SPATS2L: variants seen among roughly 807,000 people sequenced by gnomAD.
SPATS2L encodes the protein SPATS2-like protein.
A neutral mutation model predicts 59.6 loss-of-function variants in SPATS2L; 30 were observed. The ratio of observed to expected loss-of-function variants is 0.50; its 90% confidence interval spans 0.38 to 0.68. SPATS2L has a LOEUF of 0.68. Ranked by LOEUF, SPATS2L falls within the 30% of genes least tolerant of loss-of-function variation. The probability of loss-of-function intolerance (pLI) is 0.00; values close to 1 mark genes in which losing one functional copy is unlikely to be tolerated. For synonymous variants in SPATS2L, 252 were observed against 263.5 expected (o/e 0.96, Z 0.42); for missense variants, 615 against 700.0 (o/e 0.88, Z 1.37).
chr2:200,338,712 A>G (rs548833786), intron 2 of SPATS2L, among the ~76,000 whole-genome samples: 1 of 152,322 alleles, frequency 6.6e-6, no homozygotes, highest in Admixed American at 6.5e-5. Flanking sequence ...CCTACTTTAT[A>G]GAATTTTGTT....
chr2:200,369,202 A>G (rs2081352759), intron 2 of SPATS2L, among the ~76,000 whole-genome samples: 1 of 152,156 alleles, frequency 6.6e-6, no homozygotes, highest in Non-Finnish European at 1.5e-5. Context: ...TTTGTCACCC[A>G]GGCTGGAGTG....
intron 8 of SPATS2L, among the ~76,000 whole-genome samples, chr2:200,444,715 C>G (rs927158538): frequency 6.6e-6 from 1 of 152,056 alleles, no homozygotes; most frequent in Non-Finnish European, 1.5e-5. Context: ...TCTCAGCTCC[C>G]CGCACCCTGA....
intron 2 of SPATS2L, among the ~76,000 whole-genome samples, chr2:200,377,267 T>G (rs2081632345): frequency 6.6e-6 from 1 of 152,204 alleles, no homozygotes; most frequent in Non-Finnish European, 1.5e-5. Flanking sequence ...TCAATCTTGG[T>G]GAATCGTAAT....
At chr2:200,306,643 G>C, upstream of SPATS2L, 1 of 988,750 alleles carries the variant, frequency 1.0e-6, no homozygotes, top group Non-Finnish European at 1.2e-6. Context: ...CGGCGGGCGG[G>C]GGCAGCCTGC....
At chr2:200,315,809 T>C (rs2079351962) in intron 1 of SPATS2L, among the ~76,000 whole-genome samples, 2 of 139,002 alleles carry the variant, frequency 1.4e-5, no homozygotes, top group South Asian at 4.5e-4. Flanking sequence ...TTAAGAGATA[T>C]GCAGAGCTTC....
intron 1 of SPATS2L, among the ~76,000 whole-genome samples, chr2:200,315,942 G>T (rs894969939): frequency 6.7e-6 from 1 of 149,634 alleles, no homozygotes. Flanking sequence ...GGAGAATGGC[G>T]TGAACCTGGG....
At chr2:200,412,563 G>A (rs540028528) in intron 4 of SPATS2L, 144 bp downstream of exon 4, 38 of 417,892 alleles carry the variant, frequency 9.1e-5, no homozygotes, top group African/African-American at 7.1e-4. Context: ...ACATGATTGC[G>A]CTACTGCACT....
At chr2:200,315,856 C>A (rs956639029) in intron 1 of SPATS2L, among the ~76,000 whole-genome samples, 137 of 90,864 alleles carry the variant, frequency 1.5e-3, no homozygotes, top group East Asian at 8.1e-3. Context: ...ACCAAAAATC[C>A]AAAAAAAAAA....
rs776723156 is a variant in SPATS2L at position 200,440,819 on chromosome 2, A to T, written c.788+35A>T. 4 of 1,602,750 alleles carry T rather than the reference A, an allele frequency of 2.5e-6. No individual in the cohort carries two copies. In the Admixed American group the frequency reaches 6.8e-5, roughly 27 times the overall value. On this transcript the variant is annotated intron_variant, in intron 8 of 12. Transcript: ENST00000409140. ...TCAACGTAGGAACCATAAATTTGTG[A>T]TGCTTGAGCTGTTCCAACAGGTAAA...
intron 8 of SPATS2L, among the ~76,000 whole-genome samples, chr2:200,452,237 T>G (rs959868966): frequency 6.6e-6 from 1 of 152,230 alleles, no homozygotes; most frequent in African/African-American, 2.4e-5. Context: ...AGATAAAAAT[T>G]TCTATTGTTC....
rs2082096673 is a variant in SPATS2L at position 200,389,293 on chromosome 2, A to C, written c.39+10A>C. On this transcript the variant is annotated intron_variant, in intron 3 of 12. Transcript: ENST00000409140. ...GAATGTCAAGGAAAAGGTAAGATCAAGTTATACGTTGGCTCACAGAAACTC... is the reference window on the plus strand; with the variant it reads ...GAATGTCAAGGAAAAGGTAAGATCACGTTATACGTTGGCTCACAGAAACTC... The C allele has an allele frequency of 3.2e-6, 5 of 1,568,886 alleles. No homozygotes were observed. Among genetic ancestry groups the C allele is most frequent in the Non-Finnish European group, 4.3e-6 (5 of 1,153,456 alleles).
chr2:200,312,192 A>G lies in SPATS2L; in HGVS notation c.-73+5270A>G, dbSNP rs182747885. Reference sequence around the variant, plus strand: ...ACCAGTGTGTTCCTGGATAGCATCCAGCTCACTTAGAATGCTCAGAAAGGC... The same window carrying G: ...ACCAGTGTGTTCCTGGATAGCATCCGGCTCACTTAGAATGCTCAGAAAGGC... On this transcript the variant is annotated intron_variant, in intron 1 of 12. Coordinates refer to ENST00000409140, the MANE Select transcript of SPATS2L (RefSeq NM_001100423.2). Among the ~76,000 whole-genome samples, 791 of 152,330 alleles carry G rather than the reference A, an allele frequency of 5.2e-3. 6 individuals are homozygous for G. Among genetic ancestry groups the G allele is most frequent in the Non-Finnish European group, 9.4e-3 (637 of 68,024 alleles).
chr2:200,363,479 A>G (rs1304207255), intron 2 of SPATS2L, among the ~76,000 whole-genome samples: 2 of 152,204 alleles, frequency 1.3e-5, no homozygotes, highest in African/African-American at 2.4e-5. Flanking sequence ...TTATCTCTTT[A>G]AACAGCTAGA....
At chr2:200,344,554 T>G (rs2080447680) in intron 2 of SPATS2L, among the ~76,000 whole-genome samples, 2 of 152,178 alleles carry the variant, frequency 1.3e-5, no homozygotes, top group Non-Finnish European at 1.5e-5. Flanking sequence ...GTCTTTATGG[T>G]AGAATGATTG....
chr2:200,309,975 T>C (rs1294585039), intron 1 of SPATS2L, among the ~76,000 whole-genome samples: 2 of 152,222 alleles, frequency 1.3e-5, no homozygotes, highest in Non-Finnish European at 2.9e-5. Context: ...AAGATATATT[T>C]CTCTCTACAA....
At chr2:200,445,705 T>C (rs1262501162) in intron 8 of SPATS2L, among the ~76,000 whole-genome samples, 2 of 152,194 alleles carry the variant, frequency 1.3e-5, no homozygotes, top group Non-Finnish European at 2.9e-5. Context: ...TTAGTTTGAG[T>C]CCAAGTAAGA....
At chr2:200,403,924 C>T (rs558116127) in intron 3 of SPATS2L, among the ~76,000 whole-genome samples, 14 of 152,304 alleles carry the variant, frequency 9.2e-5, no homozygotes, top group African/African-American at 2.2e-4. Flanking sequence ...AAAACTCTCA[C>T]GCAGAGGAAT....
chr2:200,318,873 G>C (rs1192145191), intron 1 of SPATS2L, among the ~76,000 whole-genome samples: 1 of 152,178 alleles, frequency 6.6e-6, no homozygotes, highest in Non-Finnish European at 1.5e-5. Flanking sequence ...CGAGGAGTTT[G>C]GTCAACATTT....
chr2:200,388,516 G>A (rs2082065054), intron 2 of SPATS2L, among the ~76,000 whole-genome samples: 1 of 151,886 alleles, frequency 6.6e-6, no homozygotes, highest in Admixed American at 6.6e-5. Flanking sequence ...AGGCTGCAGT[G>A]AACTGCGATC....
Sources: gnomAD v4.1 joint callset for allele counts (sites outside exome capture counted in the v4.1 genomes callset) on GRCh38, gnomAD v4.1.1 for gene constraint, MANE v1.5 for transcripts, NCBI Gene and HGNC (gene_info 2026-07-23, HGNC 2026-07-21) for gene names.